The following MACROD2 variants were observed in gnomAD, a reference collection of about 807,000 sequenced individuals.
MACROD2 encodes the protein ADP-ribose glycohydrolase MACROD2.
MACROD2 carries 36 observed loss-of-function variants against 70.4 expected under a neutral mutation model. The ratio of observed to expected loss-of-function variants is 0.51; its 90% CI spans 0.39 to 0.68. MACROD2 has a LOEUF of 0.68. MACROD2 is among the 30% of genes least tolerant of loss of function. The pLI is 0.00. For synonymous variants in MACROD2, 172 were observed against 178.8 expected (o/e 0.96, Z 0.30); for missense variants, 496 against 538.4 (o/e 0.92, Z 0.78).
At chr20:15,976,972 C>T (rs528842094) in intron 13 of MACROD2, among the ~76,000 whole-genome samples, 1 of 152,316 alleles carries the variant, frequency 6.6e-6, no homozygotes, top group South Asian at 2.1e-4. Context: ...CCCACCTTTT[C>T]AGCAGTGCCC....
chr20:14,772,195 T>C (rs1280357358), intron 5 of MACROD2, among the ~76,000 whole-genome samples: 1 of 152,096 alleles, frequency 6.6e-6, no homozygotes, highest in Non-Finnish European at 1.5e-5. Flanking sequence ...TTTTCCCTTA[T>C]TTATATCATT....
chr20:15,739,571 A>G (rs2051074711), intron 8 of MACROD2, among the ~76,000 whole-genome samples: 1 of 152,240 alleles, frequency 6.6e-6, no homozygotes, highest in Non-Finnish European at 1.5e-5. Flanking sequence ...TTAGGAGCAC[A>G]CATTACCCTT....
At chr20:15,324,183 TTCTC>T (rs1015689059) in intron 6 of MACROD2, among the ~76,000 whole-genome samples, 4 of 152,098 alleles carry the variant, frequency 2.6e-5, no homozygotes, top group Admixed American at 6.6e-5. Context: ...TATTCTCTCT[TTCTC>T]TCTCTCAATT....
chr20:14,623,794 T>TAA (rs1195828099), intron 4 of MACROD2, among the ~76,000 whole-genome samples: 1 of 152,178 alleles, frequency 6.6e-6, no homozygotes, highest in African/African-American at 2.4e-5. Context: ...GTGATGAGCA[T>TAA]AAGTCTGGCC....
chr20:15,151,959 C>T (rs144336849), intron 5 of MACROD2, among the ~76,000 whole-genome samples: 2,839 of 151,586 alleles, frequency 0.019, 126 homozygotes, highest in African/African-American at 0.066. Context: ...AAAGACTCAG[C>T]GACGCTTGGG....
intron 2 of MACROD2, among the ~76,000 whole-genome samples, chr20:14,047,691 A>G (rs1342103150): frequency 1.3e-5 from 2 of 152,184 alleles, no homozygotes; most frequent in African/African-American, 4.8e-5. Flanking sequence ...AATTTCTCAG[A>G]AAGTACAGCA....
chr20:15,580,577 G>T (rs1309791616), intron 8 of MACROD2, among the ~76,000 whole-genome samples: 1 of 152,074 alleles, frequency 6.6e-6, no homozygotes, highest in Non-Finnish European at 1.5e-5. Flanking sequence ...ATTTCCTCAG[G>T]CTGAGAACAC....
At chr20:15,911,627 T>G (rs573900323) in intron 10 of MACROD2, among the ~76,000 whole-genome samples, 3 of 152,146 alleles carry the variant, frequency 2.0e-5, no homozygotes, top group African/African-American at 7.2e-5. Context: ...AGGTGAATAG[T>G]GCAAGGGTAT....
intron 8 of MACROD2, among the ~76,000 whole-genome samples, chr20:15,849,825 G>T (rs1008971258): frequency 1.3e-5 from 2 of 152,128 alleles, no homozygotes; most frequent in African/African-American, 4.8e-5. Context: ...GGTGACATGA[G>T]CGCTGCATGT....
intron 8 of MACROD2, among the ~76,000 whole-genome samples, chr20:15,683,735 C>T (rs139555121): frequency 5.9e-5 from 9 of 152,148 alleles, no homozygotes; most frequent in South Asian, 2.1e-4. Flanking sequence ...TGTACCACCA[C>T]GCCCAGCTAA....
At chr20:14,193,649 T>C (rs1480100065) in intron 3 of MACROD2, among the ~76,000 whole-genome samples, 1 of 152,160 alleles carries the variant, frequency 6.6e-6, no homozygotes, top group East Asian at 1.9e-4. Context: ...CAGGAGGAGC[T>C]AGAGCTGTAG....
intron 5 of MACROD2, among the ~76,000 whole-genome samples, chr20:15,089,562 A>G (rs1312359024): frequency 6.6e-6 from 1 of 152,088 alleles, no homozygotes; most frequent in Non-Finnish European, 1.5e-5. Context: ...TCTCTCACGT[A>G]TAGCATAATG....
At chr20:15,209,743 C>T (rs1316156546) in intron 5 of MACROD2, among the ~76,000 whole-genome samples, 2 of 152,158 alleles carry the variant, frequency 1.3e-5, no homozygotes, top group Admixed American at 6.5e-5. Flanking sequence ...TGTATAAACA[C>T]ACATAAAACC....
intron 6 of MACROD2, among the ~76,000 whole-genome samples, chr20:15,320,126 C>T (rs2077858262): frequency 6.6e-6 from 1 of 152,080 alleles, no homozygotes; most frequent in African/African-American, 2.4e-5. Context: ...ATCGCTTGAA[C>T]CCAAGAGGTG....
At chr20:15,103,937 A>C (rs775446010) in intron 5 of MACROD2, among the ~76,000 whole-genome samples, 3 of 152,074 alleles carry the variant, frequency 2.0e-5, no homozygotes, top group Non-Finnish European at 4.4e-5. Context: ...GCAAAGGGAG[A>C]GAAATAGAGA....
rs2066969272 is a variant in MACROD2 at position 16,019,247 on chromosome 20, G to A, written c.1154-21954G>A. Among the ~76,000 whole-genome samples the A allele has an allele frequency of 2.6e-5, 4 of 152,244 alleles. 1 individual carries two copies. In the South Asian group the frequency reaches 8.3e-4, roughly 32 times the overall value. ...AACTTAGAATAAAAGGTATAAAATGGTACCATACATATGTACACATTTTTT... is the reference window on the plus strand; with the variant it reads ...AACTTAGAATAAAAGGTATAAAATGATACCATACATATGTACACATTTTTT... On this transcript the variant is annotated intron_variant, in intron 15 of 17. Coordinates refer to ENST00000684519, the MANE Select transcript of MACROD2 (RefSeq NM_001351661.2).
chr20:14,498,027 C>G (rs1479850299), intron 4 of MACROD2, among the ~76,000 whole-genome samples: 1 of 151,660 alleles, frequency 6.6e-6, no homozygotes. Context: ...AGGTTCAGTG[C>G]CTTGTGTTAG....
Position 14,175,864 on chromosome 20 carries a change from T to C in MACROD2, c.271+90136T>C, listed in dbSNP as rs1407354605. ...TTAATAACATAAACTTTGAGACATTTATTAATTATCTTTCAGGGTTTTGGC... is the reference window on the plus strand; with the variant it reads ...TTAATAACATAAACTTTGAGACATTCATTAATTATCTTTCAGGGTTTTGGC... On this transcript the variant is annotated intron_variant, in intron 3 of 17. Coordinates refer to ENST00000684519, the MANE Select transcript of MACROD2 (RefSeq NM_001351661.2). Among the ~76,000 whole-genome samples the C allele has an allele frequency of 2.0e-5, 3 of 152,328 alleles. No individual in the cohort carries two copies. The East Asian group carries it at 5.8e-4, about 29-fold the overall frequency.
chr20:14,245,567 C>T (rs549262336), intron 3 of MACROD2, among the ~76,000 whole-genome samples: 2 of 152,176 alleles, frequency 1.3e-5, no homozygotes, highest in Admixed American at 6.5e-5. Flanking sequence ...ACTCCCAATC[C>T]ATTGCTTATG....
Sources: gnomAD v4.1 joint callset for allele counts (sites outside exome capture counted in the v4.1 genomes callset) on GRCh38, gnomAD v4.1.1 for gene constraint, MANE v1.5 for transcripts, NCBI Gene and HGNC (gene_info 2026-07-23, HGNC 2026-07-21) for gene names.